Variants in CDKAL1 observed in about 807,000 individuals in gnomAD.
The protein encoded by CDKAL1 is CDKAL1 threonylcarbamoyladenosine tRNA methylthiotransferase, also known as threonylcarbamoyladenosine tRNA methylthiotransferase.
In CDKAL1, 32 loss-of-function variants were observed where a neutral mutation model predicts 68.2. The ratio of observed to expected loss-of-function variants is 0.47; its 90% CI spans 0.35 to 0.63. CDKAL1 has a LOEUF of 0.63. Among genes scored for constraint, CDKAL1 ranks in the 30% least tolerant of loss-of-function variants. CDKAL1 has a pLI of 0.00. For missense variants in CDKAL1, 606 were observed against 696.7 expected, an observed-to-expected ratio of 0.87 and a Z score of 1.47; for synonymous variants, 234 against 244.3, an observed-to-expected ratio of 0.96 and a Z score of 0.39.
intron 13 of CDKAL1, among the ~76,000 whole-genome samples, chr6:21,153,200 G>T (rs1776493355): frequency 7.1e-6 from 1 of 140,286 alleles, no homozygotes; most frequent in South Asian, 2.4e-4. Context: ...CATCTATATT[G>T]ACAACCTCAT....
chr6:20,886,621 T>G (rs1035759267), intron 9 of CDKAL1, among the ~76,000 whole-genome samples: 3 of 152,168 alleles, frequency 2.0e-5, no homozygotes, highest in Admixed American at 1.3e-4. Context: ...TTATGCTAAA[T>G]GAAATAAGCC....
intron 13 of CDKAL1, among the ~76,000 whole-genome samples, chr6:21,158,162 A>G (rs565097387): frequency 4.6e-5 from 7 of 152,308 alleles, no homozygotes; most frequent in African/African-American, 1.7e-4. Flanking sequence ...ATTGCTGTGC[A>G]TATCTGAGGA....
At chr6:20,702,885 A>G (rs1207089515) in intron 5 of CDKAL1, among the ~76,000 whole-genome samples, 1 of 151,922 alleles carries the variant, frequency 6.6e-6, no homozygotes, top group Non-Finnish European at 1.5e-5. Flanking sequence ...TCCCTTCACC[A>G]CTTCTTTATC....
At chr6:20,992,640 G>GT (rs1459643476) in intron 10 of CDKAL1, among the ~76,000 whole-genome samples, 1 of 152,102 alleles carries the variant, frequency 6.6e-6, no homozygotes, top group Admixed American at 6.6e-5. Flanking sequence ...GCTGATATCT[G>GT]TAATACCAGC....
chr6:21,114,140 C>T (rs974155092), intron 13 of CDKAL1, among the ~76,000 whole-genome samples: 1 of 148,634 alleles, frequency 6.7e-6, no homozygotes. Context: ...CCCCGCTACT[C>T]GGGAGGCTGA....
At chr6:20,870,557 C>T (rs368104525) in intron 9 of CDKAL1, among the ~76,000 whole-genome samples, 1 of 152,080 alleles carries the variant, frequency 6.6e-6, no homozygotes. Flanking sequence ...TCTTTCCTGA[C>T]GTTTACTTGT....
chr6:20,601,026 A>G (rs1295189982), intron 4 of CDKAL1, among the ~76,000 whole-genome samples: 2 of 152,008 alleles, frequency 1.3e-5, no homozygotes, highest in African/African-American at 4.8e-5. Flanking sequence ...ACTCAGATTG[A>G]TCCCGGATCC....
At chr6:20,803,465 A>G (rs1374764693) in intron 8 of CDKAL1, among the ~76,000 whole-genome samples, 3 of 152,218 alleles carry the variant, frequency 2.0e-5, no homozygotes, top group Non-Finnish European at 2.9e-5. Flanking sequence ...AGAGTTGTTA[A>G]TCACGTTTGT....
intron 13 of CDKAL1, among the ~76,000 whole-genome samples, chr6:21,192,299 G>A (rs1232245994): frequency 6.6e-6 from 1 of 151,876 alleles, no homozygotes; most frequent in African/African-American, 2.4e-5. Flanking sequence ...GGGATTACAG[G>A]CGTGAGCCAC....
chr6:20,597,446 A>T (rs1480787218), intron 4 of CDKAL1, among the ~76,000 whole-genome samples: 3 of 132,926 alleles, frequency 2.3e-5, no homozygotes, highest in Non-Finnish European at 4.8e-5. Context: ...GCAGAGTCTC[A>T]CTCTTTGAAC....
intron 9 of CDKAL1, among the ~76,000 whole-genome samples, chr6:20,879,429 T>C (rs946260100): frequency 8.5e-5 from 13 of 152,290 alleles, no homozygotes; most frequent in South Asian, 2.1e-4. Flanking sequence ...CCGCCTGTTA[T>C]GTAATAGTCA....
rs201592612 is a variant in CDKAL1, at chr6:20,638,748, C to T, written c.287-10545C>T. On this transcript the variant is annotated intron_variant, in intron 4 of 15. Transcript: ENST00000274695. ...TCCCAAGTATCTGGGATTACAAACG[C>T]GCGCCACCATAAGTATCTGGGATTA... Among the ~76,000 whole-genome samples, 17 of 100,504 alleles carry T rather than the reference C, an allele frequency of 1.7e-4. No individual in the cohort carries two copies. The East Asian group carries it at 5.8e-3, about 34-fold the overall frequency. 65.9% of individuals were successfully genotyped at this position (100,504 alleles called of 152,430 possible).
At position 20,986,391 on chromosome 6, in the gene CDKAL1, T is replaced by G. The variant is rs529288772; in HGVS notation, c.910-13836T>G. ...AATAATGGTTGTTTTCAGCAATGAT[T>G]AGTTTTTTATTCTATTTTTCTCAAT... On this transcript the variant is annotated intron_variant, in intron 10 of 15. Coordinates refer to ENST00000274695, the MANE Select transcript of CDKAL1 (RefSeq NM_017774.3). 2.0e-5 allele frequency among the ~76,000 whole-genome samples: 3 copies of G among 152,346 alleles called. No homozygotes were observed. The South Asian group carries it at 6.2e-4, about 32-fold the overall frequency.
chr6:20,917,648 C>T (rs1228947856), intron 9 of CDKAL1, among the ~76,000 whole-genome samples: 1 of 152,086 alleles, frequency 6.6e-6, no homozygotes, highest in Non-Finnish European at 1.5e-5. Flanking sequence ...TTCCCTCACT[C>T]CCATCCCACC....
intron 9 of CDKAL1, among the ~76,000 whole-genome samples, chr6:20,914,211 A>C (rs891478381): frequency 6.6e-6 from 1 of 151,530 alleles, no homozygotes; most frequent in African/African-American, 2.4e-5. Flanking sequence ...TGTGGCATGA[A>C]CCTGGGAGGC....
intron 8 of CDKAL1, among the ~76,000 whole-genome samples, chr6:20,792,323 CGAG>C (rs920492283): frequency 1.3e-5 from 2 of 152,024 alleles, no homozygotes; most frequent in African/African-American, 4.8e-5. Context: ...GGGTTTAAAA[CGAG>C]GTCATTTTTA....
chr6:20,989,915 A>G (rs956303868), intron 10 of CDKAL1, among the ~76,000 whole-genome samples: 5 of 152,268 alleles, frequency 3.3e-5, no homozygotes, highest in Non-Finnish European at 7.4e-5. Context: ...CTCTATTTTG[A>G]TTTCTTGTCC....
At chr6:20,621,503 G>T (rs187085950) in intron 4 of CDKAL1, among the ~76,000 whole-genome samples, 2 of 152,096 alleles carry the variant, frequency 1.3e-5, no homozygotes, top group African/African-American at 2.4e-5. Flanking sequence ...GAGTCGGGGG[G>T]TTGTGCTCCC....
intron 10 of CDKAL1, among the ~76,000 whole-genome samples, chr6:20,979,749 A>G (rs1469156166): frequency 3.4e-5 from 5 of 148,700 alleles, no homozygotes. Flanking sequence ...ATTTATATTG[A>G]TATTAAAATT....
Sources: allele counts gnomAD v4.1 joint callset (sites outside exome capture counted in the v4.1 genomes callset), GRCh38; gene constraint gnomAD v4.1.1; transcripts MANE v1.5; gene names NCBI Gene and HGNC (gene_info 2026-07-23, HGNC 2026-07-21).